The following NUDT16L1 variants were observed in gnomAD, a reference collection of about 807,000 sequenced individuals.
NUDT16L1 encodes the protein tudor-interacting repair regulator protein.
Under a neutral mutation model 17.3 loss-of-function variants are expected in NUDT16L1, and 19 were observed. That is an observed-to-expected ratio of 1.10 (90% CI 0.77 to 1.61). The LOEUF (loss-of-function observed/expected upper bound fraction) is 1.61. Among genes scored for constraint, NUDT16L1 ranks in the 40% most tolerant of loss-of-function variants. The pLI is 0.00. For missense variants in NUDT16L1, 341 were observed against 292.0 expected (o/e 1.17, Z -1.22); for synonymous variants, 255 against 138.6 (o/e 1.84, Z -5.90).
At chr16:4,694,238 G>A in exon 2 of NUDT16L1, 2 of 1,477,164 alleles carry the variant, frequency 1.4e-6, no homozygotes, top group Non-Finnish European at 1.8e-6. Context: ...ACGGCCTGGA[G>A]GTGGGGCCGC....
exon 2 of NUDT16L1, chr16:4,694,235 G>A: frequency 6.7e-7 from 1 of 1,484,910 alleles, no homozygotes. Context: ...ACCACGGCCT[G>A]GAGGTGGGGC....
At chr16:4,694,466 C>T (rs1443008338) in intron 2 of NUDT16L1, 7 of 1,523,274 alleles carry the variant, frequency 4.6e-6, no homozygotes, top group East Asian at 2.5e-5. Flanking sequence ...TTACATCCGC[C>T]TTGCTGCCTG....
At chr16:4,694,341 C>T (rs1012250011) in intron 2 of NUDT16L1, 103 bp downstream of exon 2, 5 of 1,265,574 alleles carry the variant, frequency 4.0e-6, no homozygotes, top group South Asian at 2.7e-5. Context: ...CCTGGCCGGG[C>T]TGGGTCGGGT....
At chr16:4,694,677 G>T in intron 2 of NUDT16L1, 2 of 1,423,642 alleles carry the variant, frequency 1.4e-6, no homozygotes, top group South Asian at 3.1e-5. Flanking sequence ...AGGCTTCGTT[G>T]GGTGGACGGG....
At chr16:4,694,337 C>G in intron 2 of NUDT16L1, 99 bp downstream of exon 2, 2 of 1,226,620 alleles carry the variant, frequency 1.6e-6, no homozygotes, top group Non-Finnish European at 2.1e-6. Flanking sequence ...GTCCCCTGGC[C>G]GGGCTGGGTC....
chr16:4,694,133 G>A, exon 2 of NUDT16L1: 2 of 1,589,120 alleles, frequency 1.3e-6, no homozygotes, highest in South Asian at 1.1e-5. Context: ...ACCTGACCGA[G>A]GGCCCACACC....
chr16:4,695,785 G>T lies in NUDT16L1; in HGVS notation c.*606G>T, dbSNP rs561497497. The T allele has an allele frequency of 7.6e-6, 3 of 395,432 alleles. No individual in the cohort carries two copies. The Admixed American group carries it at 1.3e-4, about 17-fold the overall frequency. The allele number at this position is 395,432 out of a possible 1,614,324, so 24.5% of individuals were successfully genotyped here. On this transcript the variant is annotated 3_prime_UTR_variant, in exon 3 of 3. Coordinates refer to ENST00000304301, the Ensembl canonical transcript of NUDT16L1. Reference sequence around the variant, plus strand: ...CCCAGGGACAGTCAGGGCCTCGGGGGCCCAGCTATGTACAACGAAGCTGTC... The same window carrying T: ...CCCAGGGACAGTCAGGGCCTCGGGGTCCCAGCTATGTACAACGAAGCTGTC...
chr16:4,694,339 G>A (rs2079486180), intron 2 of NUDT16L1, 101 bp downstream of exon 2: 5 of 1,488,734 alleles, frequency 3.4e-6, no homozygotes, highest in Non-Finnish European at 4.5e-6. Context: ...CCCCTGGCCG[G>A]GCTGGGTCGG....
At chr16:4,695,391 G>C (rs1341001578) in exon 3 of NUDT16L1, 8 of 601,832 alleles carry the variant, frequency 1.3e-5, no homozygotes, top group Non-Finnish European at 2.1e-5. Context: ...AGGGTGGTCC[G>C]GGCACACTGG....
At chr16:4,695,447 G>C in exon 3 of NUDT16L1, 2 of 591,242 alleles carry the variant, frequency 3.4e-6, no homozygotes, top group East Asian at 2.8e-5. Context: ...TCTGGGCTCA[G>C]ACCCTCCTCT....
chr16:4,694,529 G>T, intron 2 of NUDT16L1: 1 of 1,473,092 alleles, frequency 6.8e-7, no homozygotes, highest in East Asian at 2.5e-5. Flanking sequence ...GGAAGGGATG[G>T]GGGAGGAGCG....
At chr16:4,693,656 G>A, upstream of NUDT16L1, 5 of 1,340,434 alleles carry the variant, frequency 3.7e-6, no homozygotes, top group Non-Finnish European at 4.8e-6. Flanking sequence ...CCCGCGGATT[G>A]GCGAGGCACG....
exon 3 of NUDT16L1, chr16:4,695,608 T>C (rs2079524493): frequency 4.7e-6 from 2 of 427,978 alleles, no homozygotes; most frequent in Middle Eastern, 5.9e-4. Flanking sequence ...CCTGAGCCAG[T>C]TCAGGGCCTG....
At chr16:4,694,507 G>A in intron 2 of NUDT16L1, 2 of 1,494,840 alleles carry the variant, frequency 1.3e-6, no homozygotes, top group South Asian at 1.3e-5. Context: ...GGGGGAGTGG[G>A]ATCGGTGGGG....
At chr16:4,694,094 C>T (rs770465258) in exon 2 of NUDT16L1, 3 of 1,591,572 alleles carry the variant, frequency 1.9e-6, no homozygotes, top group East Asian at 2.3e-5. Flanking sequence ...GCTGCCTGCG[C>T]CTCACCGAGG....
exon 3 of NUDT16L1, chr16:4,695,091 T>C (rs2079513676): frequency 6.2e-7 from 1 of 1,613,424 alleles, no homozygotes; most frequent in South Asian, 1.1e-5. Flanking sequence ...CTCAACATGA[T>C]GCCCGAGGAG....
At chr16:4,694,157 C>A in exon 2 of NUDT16L1, 1 of 1,585,902 alleles carries the variant, frequency 6.3e-7, no homozygotes, top group Non-Finnish European at 8.5e-7. Flanking sequence ...TCGTGGCGCA[C>A]CTGTACGCGC....
chr16:4,695,072 C>T (rs1477812710), exon 3 of NUDT16L1: 1 of 1,613,598 alleles, frequency 6.2e-7, no homozygotes, highest in East Asian at 2.2e-5. Flanking sequence ...CCTCTTTGCC[C>T]TCAAGGTGCT....
exon 3 of NUDT16L1, chr16:4,694,970 G>C (rs146516670): frequency 3.7e-6 from 6 of 1,609,608 alleles, no homozygotes; most frequent in South Asian, 1.1e-5. Context: ...GCTGGGCCTC[G>C]TGCGGGTCCC....
Sources: allele counts gnomAD v4.1 joint callset, GRCh38; gene constraint gnomAD v4.1.1; transcripts MANE v1.5; gene names NCBI Gene and HGNC (gene_info 2026-07-23, HGNC 2026-07-21).